SOX6: variants seen among roughly 807,000 people sequenced by gnomAD.
The protein encoded by SOX6 is SRY-box transcription factor 6.
A neutral mutation model predicts 97.8 loss-of-function variants in SOX6; 11 were observed. That is an observed-to-expected ratio of 0.11 (90% CI 0.07 to 0.19). SOX6 has a LOEUF of 0.19. Among genes scored for constraint, SOX6 ranks in the 10% least tolerant of loss-of-function variants. The pLI, the probability that SOX6 is intolerant of heterozygous loss-of-function variation, is 1.00. For synonymous variants in SOX6, 360 were observed against 371.4 expected (o/e 0.97, Z 0.35); for missense variants, 810 against 1,039.5 (o/e 0.78, Z 3.04).
chr11:16,327,259 T>C (rs1182265795), intron 2 of SOX6, among the ~76,000 whole-genome samples: 6 of 152,186 alleles, frequency 3.9e-5, no homozygotes, highest in Non-Finnish European at 1.5e-5. Flanking sequence ...GAATCATGTA[T>C]AAAGCACTTA....
At chr11:16,717,539 T>C (rs1429523038) in intron 2 of SOX6, among the ~76,000 whole-genome samples, 1 of 152,088 alleles carries the variant, frequency 6.6e-6, no homozygotes, top group African/African-American at 2.4e-5. Flanking sequence ...TTCTTGGCTG[T>C]TTGGTGAGGA....
intron 9 of SOX6, 68 bp from the exon 10 acceptor site, chr11:16,055,969 A>G (rs1448753934): frequency 6.4e-7 from 1 of 1,551,160 alleles, no homozygotes; most frequent in Non-Finnish European, 8.8e-7. Context: ...AAAAGAAAAA[A>G]CTTACCATAT....
chr11:16,042,616 C>T (rs1855700690), intron 12 of SOX6, among the ~76,000 whole-genome samples: 1 of 152,158 alleles, frequency 6.6e-6, no homozygotes, highest in Admixed American at 6.6e-5. Flanking sequence ...TACACTATGA[C>T]TGTGGGTAAG....
At chr11:16,370,269 T>C (rs1214822214) in intron 1 of SOX6, among the ~76,000 whole-genome samples, 1 of 152,164 alleles carries the variant, frequency 6.6e-6, no homozygotes, top group African/African-American at 2.4e-5. Flanking sequence ...CCTTTTTTGC[T>C]TTTTTAGTTT....
At chr11:16,525,928 A>T (rs529415723) in intron 4 of SOX6, among the ~76,000 whole-genome samples, 1 of 152,224 alleles carries the variant, frequency 6.6e-6, no homozygotes, top group Non-Finnish European at 1.5e-5. Context: ...TCAAAACCAC[A>T]ATGAGATACC....
intron 3 of SOX6, among the ~76,000 whole-genome samples, chr11:16,250,195 A>ACATG (rs533770360): frequency 1.6e-4 from 24 of 152,144 alleles, no homozygotes; most frequent in Non-Finnish European, 3.1e-4. Context: ...TGTGAATGGT[A>ACATG]CATGCAAGAG....
At chr11:16,154,780 G>A (rs1305690916) in intron 6 of SOX6, among the ~76,000 whole-genome samples, 3 of 152,030 alleles carry the variant, frequency 2.0e-5, no homozygotes, top group Non-Finnish European at 2.9e-5. Context: ...CCACAGACTA[G>A]CACACAGGCA....
chr11:16,176,396 G>A (rs374917403), intron 6 of SOX6, among the ~76,000 whole-genome samples: 18 of 151,914 alleles, frequency 1.2e-4, no homozygotes, highest in East Asian at 9.7e-4. Context: ...GTCACTCACT[G>A]CTCACATTCA....
At position 15,972,831 on chromosome 11, in the gene SOX6, G is replaced by A. The variant is rs745429311; in HGVS notation, c.2465C>T (p.Pro822Leu). Reference sequence around the variant, plus strand: ...TCCTCAGTTGGCACTGACAGCCTCCGGGGCTTCATTTTCACTGCTATAGTC... The same window carrying A: ...TCCTCAGTTGGCACTGACAGCCTCCAGGGCTTCATTTTCACTGCTATAGTC... ...KSDYSSENEA[P>L]EAVSAN is the part of the protein sequence containing the mutation. Residue 822 changes from proline to leucine, a missense_variant, in exon 16 of 16, where the codon CCG becomes CTG. Pro to Leu is a moderately conservative substitution (Grantham distance 98, BLOSUM62 -3). This residue lies in a region of SOX6 where 122 missense variants were observed against 153.4 expected (regional missense o/e 0.80). Coordinates refer to ENST00000683767, the MANE Select transcript of SOX6 (RefSeq NM_001367873.1). 8.1e-6 allele frequency: 13 copies of A among 1,613,994 alleles called. No homozygotes were observed. Among genetic ancestry groups the A allele is most frequent in the African/African-American group, 5.3e-5 (4 of 74,902 alleles).
intron 1 of SOX6, among the ~76,000 whole-genome samples, chr11:16,409,310 G>A (rs1181323527): frequency 6.7e-6 from 1 of 148,228 alleles, no homozygotes; most frequent in Non-Finnish European, 1.5e-5. Context: ...AAAACAGGCA[G>A]AGGATTGGGG....
intron 3 of SOX6, among the ~76,000 whole-genome samples, chr11:16,711,253 C>A (rs1848177356): frequency 6.6e-6 from 1 of 152,146 alleles, no homozygotes; most frequent in Non-Finnish European, 1.5e-5. Flanking sequence ...AGGCCAGGCA[C>A]AGTACAGGCT....
rs1286967822 is a variant in SOX6 at position 16,126,095 on chromosome 11, ATG to A, written c.778-14174_778-14173del. Among the ~76,000 whole-genome samples the A allele has an allele frequency of 2.6e-4, 40 of 152,206 alleles. 1 individual carries two copies. Among genetic ancestry groups the A allele is most frequent in the Admixed American group, 2.6e-3 (39 of 15,262 alleles). On this transcript the variant is annotated intron_variant, in intron 6 of 15. Transcript: ENST00000683767. Reference sequence around the variant, plus strand: ...CACTTGTAGTCACAATACCCATGATATGTGAGTCACATGGCCAAGCATCAATC... The same window carrying A: ...CACTTGTAGTCACAATACCCATGATATGAGTCACATGGCCAAGCATCAATC...
Position 16,487,326 on chromosome 11 carries a change from T to C in SOX6, n.610-10938A>G, listed in dbSNP as rs530138859. 4.0e-3 allele frequency among the ~76,000 whole-genome samples: 603 copies of C among 152,306 alleles called. 3 individuals are homozygous for C. The highest frequency in any genetic ancestry group is 0.014 in the African/African-American group (582 of 41,562). The stretch of plus-strand genomic sequence containing the variant: ...TACAAGCAAGTCTTCAGCAATTCAA[T>C]TAATATTTCTGAGAGCCCACAGGAT... On this transcript the variant is annotated intron_variant and non_coding_transcript_variant, in intron 4 of 5. Coordinates refer to the SOX6 transcript ENST00000524520.
chr11:16,379,385 G>A (rs1440197443), intron 1 of SOX6, among the ~76,000 whole-genome samples: 1 of 152,012 alleles, frequency 6.6e-6, no homozygotes, highest in East Asian at 1.9e-4. Context: ...AGAATCGATT[G>A]AACCCGGGAG....
In SOX6 at chr11:15,970,761, A is replaced by T. The variant is rs1433776081; in HGVS notation, c.*2048T>A. On this transcript the variant is annotated 3_prime_UTR_variant, in exon 16 of 16. Coordinates refer to ENST00000683767, the MANE Select transcript of SOX6 (RefSeq NM_001367873.1). ...TTAGGCCTTGAGCACTCTTAAATAA[A>T]TACAAAGGTACACTATTTTCTTCCA... The T allele has an allele frequency of 6.6e-6, 1 of 152,652 alleles. No homozygotes were observed. The highest frequency in any genetic ancestry group is 1.5e-5 in the Non-Finnish European group (1 of 68,038). 9.5% of individuals were successfully genotyped at this position (152,652 alleles called of 1,614,324 possible).
At chr11:16,500,856 A>C (rs1476700910) in intron 4 of SOX6, among the ~76,000 whole-genome samples, 2 of 152,202 alleles carry the variant, frequency 1.3e-5, no homozygotes, top group African/African-American at 4.8e-5. Flanking sequence ...GGTAGGAAGA[A>C]TCAATATTGT....
At chr11:16,534,737 C>T (rs72875217) in intron 4 of SOX6, among the ~76,000 whole-genome samples, 35,437 of 151,880 alleles carry the variant, frequency 0.23, 4,859 homozygotes, top group Non-Finnish European at 0.3. Context: ...CCCCAAACAC[C>T]CCAAGCAGGA....
chr11:16,139,229 T>C (rs1850062105), intron 6 of SOX6, among the ~76,000 whole-genome samples: 1 of 152,268 alleles, frequency 6.6e-6, no homozygotes, highest in African/African-American at 2.4e-5. Context: ...AAGTACTGTG[T>C]GGGGAGATAC....
chr11:16,484,030 G>A, intron 4 of SOX6: 2 of 805,874 alleles, frequency 2.5e-6, no homozygotes, highest in South Asian at 1.3e-5. Context: ...TTGGCCCAGG[G>A]CCTGTCGGGA....
Sources: gnomAD v4.1 joint callset for allele counts (sites outside exome capture counted in the v4.1 genomes callset) on GRCh38, gnomAD v4.1.1 for gene constraint, gnomAD v4.1.1 regional missense constraint, MANE v1.5 for transcripts, NCBI Gene and HGNC (gene_info 2026-07-23, HGNC 2026-07-21) for gene names.